BCAS3: variants seen among roughly 807,000 people sequenced by gnomAD.
BCAS3 encodes BCAS3 microtubule associated cell migration factor, also known as BCAS4/BCAS3 fusion.
Under a neutral mutation model 116.1 loss-of-function variants are expected in BCAS3, and 53 were observed. The ratio of observed to expected loss-of-function variants is 0.46; its 90% CI spans 0.37 to 0.57. The LOEUF is 0.57. Among genes scored for constraint, BCAS3 ranks in the 20% least tolerant of loss-of-function variants. The pLI is 0.00. For synonymous variants in BCAS3, 391 were observed against 408.2 expected (o/e 0.96, Z 0.51); for missense variants, 917 against 1,165.4 (o/e 0.79, Z 3.10).
chr17:61,273,871 T>C (rs921679054), intron 22 of BCAS3, among the ~76,000 whole-genome samples: 3 of 151,572 alleles, frequency 2.0e-5, no homozygotes, highest in South Asian at 2.1e-4. Flanking sequence ...TTAGAAGTTA[T>C]GTTTGGTTCT....
At chr17:61,385,238 C>G (rs1347149816) in intron 23 of BCAS3, among the ~76,000 whole-genome samples, 4 of 152,240 alleles carry the variant, frequency 2.6e-5, no homozygotes, top group Admixed American at 2.6e-4. Context: ...CACCACCTCT[C>G]CAGGTGCCAG....
At chr17:61,030,677 C>T (rs553570189) in intron 16 of BCAS3, among the ~76,000 whole-genome samples, 3 of 151,866 alleles carry the variant, frequency 2.0e-5, no homozygotes, top group Admixed American at 6.6e-5. Flanking sequence ...TTTGGTTATT[C>T]GGTTTTTTTG....
chr17:61,366,448 C>T lies in BCAS3; in HGVS notation c.2426-1879C>T, dbSNP rs2058738434. Among the ~76,000 whole-genome samples the T allele has an allele frequency of 6.6e-6, 1 of 152,212 alleles. No individual in the cohort carries two copies. Among genetic ancestry groups the T allele is most frequent in the African/African-American group, 2.4e-5 (1 of 41,454 alleles). On this transcript the variant is annotated intron_variant, in intron 22 of 23. Coordinates refer to ENST00000407086, the MANE Select transcript of BCAS3 (RefSeq NM_017679.5). This position sits in a 1 kb window ranked among gnomAD's most constrained non-coding sequence, Gnocchi z 4.5. The stretch of plus-strand genomic sequence containing the variant: ...GCAGAATCAGAAGCTTAGTGGATGT[C>T]AGCAGTCCTGTGTGTCCCTGGGGAG...
At position 61,346,712 on chromosome 17, in the gene BCAS3, TA is replaced by T. The variant is rs1454181128; in HGVS notation, c.2426-21610del. On this transcript the variant is annotated intron_variant, in intron 22 of 23. Transcript: ENST00000407086. The surrounding 1 kb of genome is among the most constrained non-coding windows in gnomAD (Gnocchi z 5.4). ...CTGCCTCTGTTAGGCTCTGCAAATC[TA>T]AAAATAAGATAAAGCAATCAGTGCC... Among the ~76,000 whole-genome samples the T allele has an allele frequency of 3.3e-5, 5 of 152,314 alleles. No individual in the cohort carries two copies. Among genetic ancestry groups the T allele is most frequent in the Admixed American group, 3.3e-4 (5 of 15,300 alleles).
chr17:60,704,270 G>A (rs781640162), intron 4 of BCAS3, among the ~76,000 whole-genome samples: 23 of 152,160 alleles, frequency 1.5e-4, no homozygotes, highest in Non-Finnish European at 3.1e-4. Context: ...ACATTTATTA[G>A]TAAGGAAGAG....
intron 14 of BCAS3, among the ~76,000 whole-genome samples, chr17:60,954,391 T>C (rs55934439): frequency 0.067 from 10,150 of 152,226 alleles, 494 homozygotes; most frequent in Non-Finnish European, 0.1. Context: ...TTGGGAATCT[T>C]ATTTTAGAAA....
At chr17:60,691,390 C>T (rs540952949) in intron 4 of BCAS3, among the ~76,000 whole-genome samples, 1 of 152,182 alleles carries the variant, frequency 6.6e-6, no homozygotes, top group African/African-American at 2.4e-5. Context: ...ACACCCTTTC[C>T]AACACTTGTT....
At chr17:60,716,518 C>T (rs1489062370) in intron 5 of BCAS3, among the ~76,000 whole-genome samples, 2 of 151,870 alleles carry the variant, frequency 1.3e-5, no homozygotes, top group Non-Finnish European at 2.9e-5. Context: ...GCCTATACTC[C>T]CAACACTTTG....
Position 61,349,928 on chromosome 17 carries a change from T to A in BCAS3, c.2426-18399T>A, listed in dbSNP as rs2057729527. On this transcript the variant is annotated intron_variant, in intron 22 of 23. Transcript: ENST00000407086. The surrounding 1 kb of genome is among the most constrained non-coding windows in gnomAD (Gnocchi z 4.7). The stretch of plus-strand genomic sequence containing the variant: ...GCAAATTTGTGAAATTCAAACATTG[T>A]CATTCATTTCTGAATAGTTAAGATC... Among the ~76,000 whole-genome samples the A allele has an allele frequency of 6.6e-6, 1 of 152,222 alleles. No individual in the cohort carries two copies.
In BCAS3 at chr17:61,261,194, C is replaced by A. The variant is rs2049170933; in HGVS notation, c.2426-107133C>A. ...AAGGGCCAACCCATTAGGGAAGTAC[C>A]TCCCTGGGGAGCGGGTGGACAGGGA... is the stretch of plus-strand genomic sequence containing the variant. On this transcript the variant is annotated intron_variant, in intron 22 of 23. Coordinates refer to ENST00000407086, the MANE Select transcript of BCAS3 (RefSeq NM_017679.5). This position sits in a 1 kb window ranked among gnomAD's most constrained non-coding sequence, Gnocchi z 4.4. 6.6e-6 allele frequency among the ~76,000 whole-genome samples: 1 copy of A among 152,204 alleles called. No homozygotes were observed. Among genetic ancestry groups the A allele is most frequent in the African/African-American group, 2.4e-5 (1 of 41,448 alleles).
intron 11 of BCAS3, 41 bp downstream of exon 11, chr17:60,902,744 AG>A (rs775731224): frequency 7.0e-7 from 1 of 1,418,528 alleles, no homozygotes; most frequent in African/African-American, 1.4e-5. Context: ...GGTTATGTGT[AG>A]TAATTGTTCA....
rs536392854 is a variant in BCAS3, at chr17:61,015,025, T to A, written c.1487-726T>A. The stretch of plus-strand genomic sequence containing the variant: ...TGGAAAGGCATCCTAAGTTCTTGGA[T>A]TAAAAGGTATATTATTGTTAAAATG... On this transcript the variant is annotated intron_variant, in intron 15 of 23. Coordinates refer to ENST00000407086, the MANE Select transcript of BCAS3 (RefSeq NM_017679.5). 6.6e-5 allele frequency among the ~76,000 whole-genome samples: 10 copies of A among 152,294 alleles called. No homozygotes were observed. In the South Asian group the frequency reaches 2.1e-3, roughly 32 times the overall value.
chr17:60,699,894 C>T (rs553364815), intron 4 of BCAS3, among the ~76,000 whole-genome samples: 2 of 148,910 alleles, frequency 1.3e-5, no homozygotes, highest in South Asian at 2.1e-4. Context: ...GCAGTTTTGG[C>T]TGGGCTTGGT....
chr17:60,867,385 C>T (rs1304023602), intron 7 of BCAS3, among the ~76,000 whole-genome samples: 2 of 151,970 alleles, frequency 1.3e-5, no homozygotes, highest in Non-Finnish European at 2.9e-5. Context: ...GGGTTACAGA[C>T]GTGAGCCACC....
chr17:60,752,244 G>A (rs2042544547), intron 6 of BCAS3, among the ~76,000 whole-genome samples: 1 of 150,760 alleles, frequency 6.6e-6, no homozygotes, highest in South Asian at 2.1e-4. Context: ...TCAGAACTTA[G>A]GTATTTATTT....
At chr17:60,712,015 A>G (rs2037984077) in intron 5 of BCAS3, among the ~76,000 whole-genome samples, 2 of 151,886 alleles carry the variant, frequency 1.3e-5, no homozygotes, top group South Asian at 4.2e-4. Flanking sequence ...TAAAAAAAAA[A>G]TTAGCCGGGC....
chr17:60,847,304 G>A (rs1208002533), intron 7 of BCAS3, among the ~76,000 whole-genome samples: 1 of 152,152 alleles, frequency 6.6e-6, no homozygotes, highest in East Asian at 1.9e-4. Flanking sequence ...TCATGTAGAC[G>A]TTTTTGTGTG....
At chr17:61,167,834 TTTTG>T (rs200021247) in intron 22 of BCAS3, among the ~76,000 whole-genome samples, 3,795 of 152,274 alleles carry the variant, frequency 0.025, 140 homozygotes, top group African/African-American at 0.086. Context: ...GTGACTTGCA[TTTTG>T]TTTGTTAGTG....
At chr17:61,383,983 A>G (rs1299594943) in intron 23 of BCAS3, 1 of 152,294 alleles carries the variant, frequency 6.6e-6, no homozygotes, top group Non-Finnish European at 1.5e-5. Context: ...ACTTCAGGAC[A>G]CAGGCAGGTC....
Sources: gnomAD v4.1 joint callset for allele counts (sites outside exome capture counted in the v4.1 genomes callset) on GRCh38, gnomAD v4.1.1 for gene constraint, Gnocchi (gnomAD v3.1) non-coding constraint, MANE v1.5 for transcripts, NCBI Gene and HGNC (gene_info 2026-07-23, HGNC 2026-07-21) for gene names.